RYR2: variants seen among roughly 807,000 people sequenced by gnomAD.
RYR2 encodes the protein ryanodine receptor 2.
In RYR2, 227 loss-of-function variants were observed where a neutral mutation model predicts 601.1. The observed-to-expected ratio is 0.38, with a 90% CI of 0.34 to 0.42. The LOEUF (loss-of-function observed/expected upper bound fraction) is 0.42, where lower values mean the gene tolerates loss of function less well. Ranked by LOEUF, RYR2 falls within the 10% of genes least tolerant of loss-of-function variation. RYR2 has a pLI of 1.00. For synonymous variants in RYR2, 2,223 were observed against 2,175.1 expected (o/e 1.02, Z -0.61); for missense variants, 4,646 against 6,156.5 (o/e 0.75, Z 8.21).
rs1657856943 is a variant in RYR2 at position 237,787,940 on chromosome 1, G to GTTCT, written c.13329-45_13329-42dup. The GTTCT allele has an allele frequency of 2.6e-6, 4 of 1,542,706 alleles. No homozygotes were observed. In the East Asian group the frequency reaches 9.6e-5, roughly 37 times the overall value. On this transcript the variant is annotated intron_variant, in intron 91 of 104. Coordinates refer to ENST00000366574, the MANE Select transcript of RYR2 (RefSeq NM_001035.3). Reference sequence around the variant, plus strand: ...GGTAATTTTCCACAACACCCGTTTAGTTCTTTAGTTTCTGGAGAGCTTATG... The same window carrying GTTCT: ...GGTAATTTTCCACAACACCCGTTTAGTTCTTTCTTTAGTTTCTGGAGAGCTTATG...
At position 237,614,538 on chromosome 1, in the gene RYR2, C is replaced by T. The variant is rs367609940; in HGVS notation, c.5410C>T (p.Leu1804Phe). The T allele has an allele frequency of 1.2e-6, 2 of 1,613,924 alleles. No individual in the cohort carries two copies. The highest frequency in any genetic ancestry group is 1.7e-6 in the Non-Finnish European group (2 of 1,179,908). The change falls in exon 37 of 105, where the codon CTT (leucine) becomes TTT (phenylalanine). Residue 1804 changes from leucine (L) to phenylalanine (F), a missense_variant. Physicochemically the swap from Leu to Phe is conservative, Grantham distance 22. Around this residue, in one of 17 missense-constraint regions of RYR2, gnomAD observed 1,807 missense variants for 2,088.1 expected, o/e 0.87. Transcript: ENST00000366574. The surrounding 1 kb of genome is among the most constrained non-coding windows in gnomAD (Gnocchi z 4.3). ...GACAGAAGCTGTTAAAGAGGGCAGTCTTCATGCCCGGGACCCAGTTGGAGG... is the reference window on the plus strand; with the variant it reads ...GACAGAAGCTGTTAAAGAGGGCAGTTTTCATGCCCGGGACCCAGTTGGAGG... ...MLTEAVKEGS[L>F]HARDPVGGTT...
intron 87 of RYR2, among the ~76,000 whole-genome samples, chr1:237,777,322 T>C (rs1694747083): frequency 6.6e-6 from 1 of 152,176 alleles, no homozygotes; most frequent in Non-Finnish European, 1.5e-5. Context: ...TGAGAATACA[T>C]AGTCAGTATC....
chr1:237,128,818 C>T (rs1671825178), intron 1 of RYR2, among the ~76,000 whole-genome samples: 1 of 151,940 alleles, frequency 6.6e-6, no homozygotes, highest in Admixed American at 6.6e-5. Context: ...AGGATGCTAG[C>T]AGGAGAGGTG....
chr1:237,408,407 A>ATATATATAT lies in RYR2; in HGVS notation c.774-8642_774-8641insTATATATAT, dbSNP rs56317247. The stretch of plus-strand genomic sequence containing the variant: ...TCTAGATTCTTTATATATATATATA[A>ATATATATAT]ATGGATATCCAGTCTTTTCAGTACT... On this transcript the variant is annotated intron_variant, in intron 10 of 104. Coordinates refer to ENST00000366574, the MANE Select transcript of RYR2 (RefSeq NM_001035.3). Among the ~76,000 whole-genome samples, 327 of 132,860 alleles carry ATATATATAT rather than the reference A, an allele frequency of 2.5e-3. 22 individuals are homozygous for ATATATATAT. The highest frequency in any genetic ancestry group is 9.7e-3 in the African/African-American group (296 of 30,620). The allele number at this position is 132,860 out of a possible 152,430, so 87.2% of individuals were successfully genotyped here.
At chr1:237,066,641 C>CTTTTTT in intron 1 of RYR2, among the ~76,000 whole-genome samples, 1 of 147,082 alleles carries the variant, frequency 6.8e-6, no homozygotes. Flanking sequence ...CCGTGTCTTT[C>CTTTTTT]TTTTTTTTTT....
chr1:237,823,424 T>C (rs1370845944), intron 101 of RYR2, among the ~76,000 whole-genome samples: 1 of 152,186 alleles, frequency 6.6e-6, no homozygotes, highest in African/African-American at 2.4e-5. Flanking sequence ...TGCTCCTGAA[T>C]GACTATTGGG....
intron 1 of RYR2, among the ~76,000 whole-genome samples, chr1:237,217,942 A>G (rs1683373397): frequency 1.3e-5 from 2 of 152,226 alleles, no homozygotes; most frequent in Non-Finnish European, 2.9e-5. Flanking sequence ...GGGGATTAAT[A>G]GCAGCATTTA....
chr1:237,047,509 C>T (rs1402568249), intron 1 of RYR2, among the ~76,000 whole-genome samples: 1 of 151,884 alleles, frequency 6.6e-6, no homozygotes, highest in African/African-American at 2.4e-5. Context: ...TGGTTGCTCC[C>T]CTCCTGCAGA....
chr1:237,465,714 A>G (rs1660013191), intron 16 of RYR2, among the ~76,000 whole-genome samples: 2 of 152,140 alleles, frequency 1.3e-5, no homozygotes, highest in Non-Finnish European at 2.9e-5. Flanking sequence ...CTGCGCGTCT[A>G]CGCTATACGG....
intron 84 of RYR2, among the ~76,000 whole-genome samples, chr1:237,767,062 A>G (rs141979126): frequency 4.2e-4 from 64 of 152,150 alleles, no homozygotes; most frequent in African/African-American, 1.5e-3. Context: ...GTTTGATCCA[A>G]TTCGATTCTC....
intron 2 of RYR2, among the ~76,000 whole-genome samples, chr1:237,304,736 A>C (rs950506543): frequency 1.3e-5 from 2 of 152,200 alleles, no homozygotes; most frequent in Non-Finnish European, 1.5e-5. Flanking sequence ...ACTTTATATG[A>C]ATGTCATTTC....
At chr1:237,565,210 T>C (rs1321102678) in intron 27 of RYR2, among the ~76,000 whole-genome samples, 1 of 117,846 alleles carries the variant, frequency 8.5e-6, no homozygotes, top group African/African-American at 3.0e-5. Context: ...TTTCTTTCTT[T>C]CTTTCTTTCT....
intron 15 of RYR2, among the ~76,000 whole-genome samples, chr1:237,455,892 A>G (rs1264239638): frequency 2.6e-5 from 4 of 152,226 alleles, no homozygotes; most frequent in Non-Finnish European, 4.4e-5. Flanking sequence ...GGAAGAAGTA[A>G]CATTAAATAT....
chr1:237,459,594 TAGA>T lies in RYR2; in HGVS notation c.1612+2862_1612+2864del, dbSNP rs1659237468. ...TGTATCCATGAGTAGCAAAAATGAA[TAGA>T]AGGAATTATAATTTTTTATATAATC... On this transcript the variant is annotated intron_variant, in intron 16 of 104. Coordinates refer to ENST00000366574, the MANE Select transcript of RYR2 (RefSeq NM_001035.3). Among the ~76,000 whole-genome samples the T allele has an allele frequency of 1.3e-5, 2 of 152,304 alleles. 1 individual carries two copies. Among genetic ancestry groups the T allele is most frequent in the South Asian group, 4.1e-4 (2 of 4,826 alleles).
Position 237,530,467 on chromosome 1 carries a change from G to A in RYR2, c.2863G>A (p.Glu955Lys), listed in dbSNP as rs745798722. Residue 955 changes from glutamate to lysine, a missense_variant, in exon 25 of 105, where the codon GAA becomes AAA. Coordinates refer to ENST00000366574, the MANE Select transcript of RYR2 (RefSeq NM_001035.3). ...AGGATGTCATGTGGGTATATCAGAT[G>A]AACATGCTGAAGACAAGGTGAAAAA... ...ALGCHVGISDEHAEDKVKKMK... is the reference protein window; with the variant it reads ...ALGCHVGISDKHAEDKVKKMK... The A allele has an allele frequency of 1.2e-5, 20 of 1,609,026 alleles. No homozygotes were observed. The highest frequency in any genetic ancestry group is 1.7e-5 in the Non-Finnish European group (20 of 1,177,690).
chr1:237,125,096 A>C (rs1040408838), intron 1 of RYR2, among the ~76,000 whole-genome samples: 1 of 152,158 alleles, frequency 6.6e-6, no homozygotes, highest in African/African-American at 2.4e-5. Flanking sequence ...CATTTTGCAG[A>C]TAGAAATGCT....
At position 237,783,676 on chromosome 1, in the gene RYR2, T is replaced by A; in HGVS notation, c.11964T>A (p.Gly3988=). The stretch of plus-strand genomic sequence containing the variant: ...CAAATGCAACTGCTTTACCACCAGG[T>A]AATGTTGTTAATGGAACGATTGGCA... ...MVVMLLSMLE[G]NVVNGTIGKQ... The change falls in exon 90 of 105, where the codon GGT becomes GGA. Residue 3988 remains glycine, a splice_region_variant and synonymous_variant. Coordinates refer to ENST00000366574, the MANE Select transcript of RYR2 (RefSeq NM_001035.3). The A allele has an allele frequency of 1.3e-6, 2 of 1,592,256 alleles. No individual in the cohort carries two copies. The highest frequency in any genetic ancestry group is 1.7e-6 in the Non-Finnish European group (2 of 1,164,666).
At chr1:237,524,035 AG>A (rs895889092) in intron 24 of RYR2, among the ~76,000 whole-genome samples, 62 of 152,338 alleles carry the variant, frequency 4.1e-4, no homozygotes, top group African/African-American at 1.4e-3. Context: ...AACTTACCAT[AG>A]CCTAGCAATT....
chr1:237,640,887 T>G lies in RYR2; in HGVS notation c.7116-10T>G. ...TTTGCTTTCTCTTTCTTTTGAAACA[T>G]TCATGAAAGTGACACAGAGGAGGAG... On this transcript the variant is annotated splice_polypyrimidine_tract_variant and intron_variant, in intron 46 of 104. Coordinates refer to ENST00000366574, the MANE Select transcript of RYR2 (RefSeq NM_001035.3). 1 of 1,608,170 alleles carries G rather than the reference T, an allele frequency of 6.2e-7. No individual in the cohort carries two copies. The highest frequency in any genetic ancestry group is 8.5e-7 in the Non-Finnish European group (1 of 1,176,154).
Sources: allele counts gnomAD v4.1 joint callset (sites outside exome capture counted in the v4.1 genomes callset), GRCh38; gene constraint gnomAD v4.1.1; regional missense constraint gnomAD v4.1.1; non-coding constraint Gnocchi (gnomAD v3.1); transcripts MANE v1.5; gene names NCBI Gene and HGNC (gene_info 2026-07-23, HGNC 2026-07-21).